Variants in CDH18 observed in about 807,000 individuals in gnomAD.
CDH18 encodes the protein cadherin 18.
CDH18 carries 31 observed loss-of-function variants against 67.9 expected under a neutral mutation model. The observed-to-expected ratio is 0.46, with a 90% CI of 0.34 to 0.62. The LOEUF (loss-of-function observed/expected upper bound fraction) is 0.62, where lower values mean the gene tolerates loss of function less well. CDH18 is among the 20% of genes least tolerant of loss of function. CDH18 has a pLI of 0.01. For missense variants in CDH18, 890 were observed against 975.5 expected, an observed-to-expected ratio of 0.91 and a Z score of 1.17; for synonymous variants, 362 against 347.2, an observed-to-expected ratio of 1.04 and a Z score of -0.48.
intron 2 of CDH18, among the ~76,000 whole-genome samples, chr5:19,895,664 G>A (rs1391076590): frequency 6.6e-6 from 1 of 152,068 alleles, no homozygotes; most frequent in Non-Finnish European, 1.5e-5. Context: ...ATACCACAAC[G>A]AAATGGCTCA....
chr5:20,027,912 C>A (rs535087740), intron 2 of CDH18, among the ~76,000 whole-genome samples: 1 of 152,090 alleles, frequency 6.6e-6, no homozygotes, highest in Non-Finnish European at 1.5e-5. Context: ...GTGGCCTTTG[C>A]CCTTATCAAA....
chr5:19,770,594 A>G (rs1221345754), intron 3 of CDH18, among the ~76,000 whole-genome samples: 1 of 147,164 alleles, frequency 6.8e-6, no homozygotes, highest in Non-Finnish European at 1.5e-5. Flanking sequence ...TTGCAAATCC[A>G]TCCAAACTTT....
At chr5:20,026,320 C>T (rs1324771057) in intron 2 of CDH18, among the ~76,000 whole-genome samples, 2 of 152,120 alleles carry the variant, frequency 1.3e-5, no homozygotes, top group Non-Finnish European at 2.9e-5. Context: ...TACTTGCAGT[C>T]GCTAAGCTTC....
intron 9 of CDH18, among the ~76,000 whole-genome samples, chr5:19,538,077 T>C (rs972372122): frequency 1.6e-4 from 25 of 152,080 alleles, no homozygotes; most frequent in African/African-American, 5.8e-4. Flanking sequence ...TAACAAAGAG[T>C]TGGAATGAAA....
At chr5:20,110,507 AC>A (rs1475805134) in intron 2 of CDH18, among the ~76,000 whole-genome samples, 1 of 152,156 alleles carries the variant, frequency 6.6e-6, no homozygotes, top group Non-Finnish European at 1.5e-5. Flanking sequence ...ACATGGTGAA[AC>A]CCTATCACTA....
At chr5:19,665,883 GT>G (rs1757850191) in intron 5 of CDH18, among the ~76,000 whole-genome samples, 2 of 150,770 alleles carry the variant, frequency 1.3e-5, no homozygotes, top group Non-Finnish European at 2.9e-5. Flanking sequence ...ATGAGATATT[GT>G]AACACAGAAT....
intron 2 of CDH18, among the ~76,000 whole-genome samples, chr5:19,979,727 A>G (rs548104414): frequency 3.5e-4 from 54 of 152,328 alleles, no homozygotes; most frequent in African/African-American, 1.3e-3. Context: ...AAATACATAG[A>G]TGATTAAATG....
intron 1 of CDH18, among the ~76,000 whole-genome samples, chr5:20,415,775 C>CA (rs913997556): frequency 4.6e-5 from 7 of 150,656 alleles, no homozygotes; most frequent in African/African-American, 4.9e-5. Flanking sequence ...GACTCCATCT[C>CA]AAAAAAATAA....
At chr5:20,304,928 C>T (rs1380370990) in intron 1 of CDH18, 11 of 1,613,404 alleles carry the variant, frequency 6.8e-6, no homozygotes, top group Non-Finnish European at 9.3e-6. Context: ...TTTGTATTCA[C>T]GTGCTTCACT....
intron 3 of CDH18, among the ~76,000 whole-genome samples, chr5:19,814,590 G>A (rs1013547265): frequency 6.6e-6 from 1 of 151,786 alleles, no homozygotes; most frequent in Non-Finnish European, 1.5e-5. Context: ...AAACTTTCAC[G>A]AACCCTATAC....
chr5:19,824,003 T>C (rs78532286), intron 3 of CDH18, among the ~76,000 whole-genome samples: 6,319 of 151,650 alleles, frequency 0.042, 444 homozygotes, highest in African/African-American at 0.14. Flanking sequence ...AATTAATTAA[T>C]AACCTTAACA....
At chr5:20,310,606 C>A (rs979868828) in intron 1 of CDH18, among the ~76,000 whole-genome samples, 5 of 152,164 alleles carry the variant, frequency 3.3e-5, no homozygotes, top group Admixed American at 3.3e-4. Context: ...GAGATGAGTT[C>A]ATATTTATAT....
At chr5:19,987,730 C>T (rs1335836872) in intron 1 of CDH18, among the ~76,000 whole-genome samples, 1 of 152,166 alleles carries the variant, frequency 6.6e-6, no homozygotes, top group Non-Finnish European at 1.5e-5. Flanking sequence ...TAAATGACAG[C>T]TTATACTGAT....
chr5:19,540,107 G>T (rs1332067661), intron 9 of CDH18, among the ~76,000 whole-genome samples: 1 of 135,758 alleles, frequency 7.4e-6, no homozygotes, highest in East Asian at 2.0e-4. Context: ...GGGGGTCTAG[G>T]AATTAAGTAA....
chr5:19,748,493 A>G (rs1432475872), intron 3 of CDH18, among the ~76,000 whole-genome samples: 1 of 152,162 alleles, frequency 6.6e-6, no homozygotes, highest in Admixed American at 6.5e-5. Flanking sequence ...GCTAGAAATA[A>G]CAGCAGTATT....
intron 1 of CDH18, among the ~76,000 whole-genome samples, chr5:20,301,480 T>G (rs1735898029): frequency 6.6e-6 from 1 of 152,140 alleles, no homozygotes; most frequent in African/African-American, 2.4e-5. Context: ...GCGTTCTGAG[T>G]GCCTGATTGG....
intron 2 of CDH18, among the ~76,000 whole-genome samples, chr5:20,195,274 TA>T (rs970561409): frequency 1.3e-5 from 2 of 152,048 alleles, no homozygotes; most frequent in African/African-American, 4.8e-5. Flanking sequence ...TTTTCATATT[TA>T]ACCACATAAA....
chr5:20,147,494 T>C (rs1460910514), intron 2 of CDH18, among the ~76,000 whole-genome samples: 1 of 152,132 alleles, frequency 6.6e-6, no homozygotes, highest in African/African-American at 2.4e-5. Flanking sequence ...AATCTTTTAA[T>C]TTCTGTAAAT....
At chr5:20,319,359 T>A (rs1027939963) in intron 1 of CDH18, among the ~76,000 whole-genome samples, 40 of 152,272 alleles carry the variant, frequency 2.6e-4, no homozygotes, top group African/African-American at 9.1e-4. Context: ...CCTCTATACC[T>A]TTTTGATTCA....
Sources: allele counts gnomAD v4.1 joint callset (sites outside exome capture counted in the v4.1 genomes callset), GRCh38; gene constraint gnomAD v4.1.1; transcripts MANE v1.5; gene names NCBI Gene and HGNC (gene_info 2026-07-23, HGNC 2026-07-21).